The following CRLF3 variants were observed in gnomAD, a reference collection of about 807,000 sequenced individuals.
CRLF3 encodes cytokine receptor-like factor 3.
A neutral mutation model predicts 55.0 loss-of-function variants in CRLF3; 33 were observed. The ratio of observed to expected loss-of-function variants is 0.60; its 90% CI spans 0.46 to 0.80. The LOEUF (loss-of-function observed/expected upper bound fraction) is 0.80. Among genes scored for constraint, CRLF3 ranks in the 30% least tolerant of loss-of-function variants. The probability of loss-of-function intolerance (pLI) is 0.00; values close to 1 mark genes in which losing one functional copy is unlikely to be tolerated. For missense variants in CRLF3, 494 were observed against 538.4 expected, an observed-to-expected ratio of 0.92 and a Z score of 0.82; for synonymous variants, 238 against 196.8, an observed-to-expected ratio of 1.21 and a Z score of -1.75.
intron 6 of CRLF3, 72 bp downstream of exon 6, chr17:30,792,368 C>T: frequency 2.1e-6 from 3 of 1,399,614 alleles, no homozygotes; most frequent in Non-Finnish European, 3.0e-6. Flanking sequence ...GTTTTGAATT[C>T]AAAGCTTATG....
intron 7 of CRLF3, chr17:30,785,144 C>T (rs1352885244): frequency 2.9e-5 from 4 of 138,762 alleles, no homozygotes; most frequent in African/African-American, 1.1e-4. Context: ...GGCATGATCT[C>T]GGCTCACTGC....
At chr17:30,785,373 C>A (rs1453190036) in intron 7 of CRLF3, among the ~76,000 whole-genome samples, 1 of 151,922 alleles carries the variant, frequency 6.6e-6, no homozygotes, top group African/African-American at 2.4e-5. Flanking sequence ...CCGCGCCCGG[C>A]CTCTGGCTAG....
intron 1 of CRLF3, among the ~76,000 whole-genome samples, chr17:30,817,981 G>A (rs757115072): frequency 6.6e-6 from 1 of 151,596 alleles, no homozygotes; most frequent in Non-Finnish European, 1.5e-5. Context: ...TTTCATCTGG[G>A]CTGAGTGTGG....
chr17:30,817,548 T>C (rs1174116449), intron 1 of CRLF3, among the ~76,000 whole-genome samples: 1 of 152,176 alleles, frequency 6.6e-6, no homozygotes, highest in East Asian at 1.9e-4. Context: ...TAAAAATTGA[T>C]ACAAAGTTGC....
intron 1 of CRLF3, among the ~76,000 whole-genome samples, chr17:30,807,023 G>A (rs531313516): frequency 2.1e-4 from 32 of 152,136 alleles, no homozygotes; most frequent in Non-Finnish European, 3.4e-4. Context: ...CAAGGTGGGA[G>A]GATCACCACT....
At chr17:30,819,696 C>T (rs1409665175) in intron 1 of CRLF3, among the ~76,000 whole-genome samples, 1 of 151,982 alleles carries the variant, frequency 6.6e-6, no homozygotes, top group Non-Finnish European at 1.5e-5. Context: ...CAGGCTGGAT[C>T]TCTACTTATA....
At chr17:30,804,972 C>T (rs1904341335) in intron 1 of CRLF3, among the ~76,000 whole-genome samples, 2 of 152,078 alleles carry the variant, frequency 1.3e-5, no homozygotes, top group African/African-American at 2.4e-5. Context: ...CATTTGAAGT[C>T]AGGAGTTCAA....
Position 30,803,882 on chromosome 17 carries a change from A to T in CRLF3, c.337+19T>A. On this transcript the variant is annotated intron_variant, in intron 2 of 7. Coordinates refer to ENST00000324238, the MANE Select transcript of CRLF3 (RefSeq NM_015986.4). ...AAATGGACGAATGCACTAATACAAC[A>T]GGCTCCCTGGTCCCCCACCTTCTCG... is the stretch of plus-strand genomic sequence containing the variant. The T allele has an allele frequency of 2.5e-6, 4 of 1,575,542 alleles. No individual in the cohort carries two copies. The South Asian group carries it at 4.4e-5, about 17-fold the overall frequency.
At chr17:30,820,304 ATTC>A (rs1265143871) in intron 1 of CRLF3, among the ~76,000 whole-genome samples, 1 of 152,238 alleles carries the variant, frequency 6.6e-6, no homozygotes, top group East Asian at 1.9e-4. Context: ...AAACATTTTT[ATTC>A]TTCTTCCTTC....
intron 1 of CRLF3, among the ~76,000 whole-genome samples, chr17:30,805,746 G>C (rs1486298259): frequency 1.3e-5 from 2 of 150,954 alleles, no homozygotes. Context: ...GCCATGGTCA[G>C]GTGCAGTGGC....
In CRLF3 at chr17:30,824,578, C is replaced by A; in HGVS notation, c.74G>T (p.Ser25Ile). ...CCGGTGACCCAGCTCCCGCCGGTAGCTCTGCGCTGCCTCCACGTTCTCGCG... is the reference window on the plus strand; with the variant it reads ...CCGGTGACCCAGCTCCCGCCGGTAGATCTGCGCTGCCTCCACGTTCTCGCG... ...EARENVEAAQ[S>I]YRRELGHRLE... Residue 25 changes from serine to isoleucine, a missense_variant, in exon 1 of 8, where the codon AGC becomes ATC. By Grantham distance (142) the Ser-to-Ile change is moderately radical. Coordinates refer to ENST00000324238, the MANE Select transcript of CRLF3 (RefSeq NM_015986.4). 6.2e-7 allele frequency: 1 copy of A among 1,604,596 alleles called. No individual in the cohort carries two copies.
chr17:30,818,822 G>GT (rs57612738), intron 1 of CRLF3, among the ~76,000 whole-genome samples: 20,856 of 131,478 alleles, frequency 0.16, 1,647 homozygotes, highest in South Asian at 0.26. Flanking sequence ...ACTTTTGAGT[G>GT]TTTTTTTTTT....
chr17:30,785,703 G>A (rs1369827010), intron 7 of CRLF3, among the ~76,000 whole-genome samples: 1 of 151,588 alleles, frequency 6.6e-6, no homozygotes, highest in African/African-American at 2.4e-5. Context: ...GATGGCTTGG[G>A]CCCAAGAATT....
At position 30,784,001 on chromosome 17, in the gene CRLF3, T is replaced by C. The variant is rs1204371352; in HGVS notation, c.*186A>G. On this transcript the variant is annotated 3_prime_UTR_variant, in exon 8 of 8. Transcript: ENST00000324238. ...TATGCTAAAAATAAAATTGACTGAATTGTATGATTTTGTCCACAACATTGA... is the reference window on the plus strand; with the variant it reads ...TATGCTAAAAATAAAATTGACTGAACTGTATGATTTTGTCCACAACATTGA... The C allele has an allele frequency of 3.6e-6, 2 of 549,174 alleles. No homozygotes were observed. Among genetic ancestry groups the C allele is most frequent in the Admixed American group, 7.1e-5 (2 of 28,350 alleles). The allele number at this position is 549,174 out of a possible 1,614,324, so 34.0% of individuals were successfully genotyped here.
intron 1 of CRLF3, among the ~76,000 whole-genome samples, chr17:30,818,289 G>C (rs980868004): frequency 6.6e-6 from 1 of 151,768 alleles, no homozygotes; most frequent in Non-Finnish European, 1.5e-5. Flanking sequence ...TCTGTTCTTG[G>C]TTTTCCCTGT....
chr17:30,806,775 AGGTGCGG>A (rs1161410510), intron 1 of CRLF3, among the ~76,000 whole-genome samples: 2 of 152,300 alleles, frequency 1.3e-5, no homozygotes, highest in East Asian at 3.9e-4. Context: ...CTGAGCTTAT[AGGTGCGG>A]GCCACCACAC....
Position 30,803,927 on chromosome 17 carries a change from T to C in CRLF3, c.311A>G (p.Asn104Ser), listed in dbSNP as rs756747028. Reference protein sequence around the residue: ...DCQKLIEHGVNTAEDLVREGE... With the variant: ...DCQKLIEHGVSTAEDLVREGE... ...TTCTCGGACTAAGTCCTCTGCAGTG[T>C]TGACTCCGTGTTCTATGAGCTTCTG... The change falls in exon 2 of 8, where the codon AAC (asparagine) becomes AGC (serine). Residue 104 changes from asparagine to serine, a missense_variant. Physicochemically the swap from Asn to Ser is conservative, Grantham distance 46. Transcript: ENST00000324238. The C allele has an allele frequency of 1.9e-6, 3 of 1,612,194 alleles. No individual in the cohort carries two copies. Among genetic ancestry groups the C allele is most frequent in the South Asian group, 1.1e-5 (1 of 91,000 alleles).
intron 6 of CRLF3, chr17:30,790,633 T>TTC (rs1491456812): frequency 7.2e-4 from 64 of 89,114 alleles, no homozygotes; most frequent in African/African-American, 2.6e-3. Context: ...TTTTTTTTTT[T>TTC]CCAGACGGAA....
chr17:30,794,184 TAA>T (rs775698439), intron 4 of CRLF3, among the ~76,000 whole-genome samples: 4 of 152,276 alleles, frequency 2.6e-5, no homozygotes, highest in Non-Finnish European at 4.4e-5. Context: ...CAGTCTGATA[TAA>T]AAAAGTCTGC....
Sources: allele counts gnomAD v4.1 joint callset (sites outside exome capture counted in the v4.1 genomes callset), GRCh38; gene constraint gnomAD v4.1.1; transcripts MANE v1.5; gene names NCBI Gene and HGNC (gene_info 2026-07-23, HGNC 2026-07-21).